TROAP: variants seen among roughly 807,000 people sequenced by gnomAD.
TROAP encodes trophinin associated protein, also known as tastin.
Under a neutral mutation model 83.4 loss-of-function variants are expected in TROAP, and 62 were observed. The ratio of observed to expected loss-of-function variants is 0.74; its 90% CI spans 0.61 to 0.92. The LOEUF (loss-of-function observed/expected upper bound fraction) is 0.92, where lower values mean the gene tolerates loss of function less well. TROAP is among the 40% of genes least tolerant of loss of function. TROAP has a pLI of 0.00. For missense variants in TROAP, 876 were observed against 985.1 expected, an observed-to-expected ratio of 0.89 and a Z score of 1.48; for synonymous variants, 352 against 386.4, an observed-to-expected ratio of 0.91 and a Z score of 1.04.
intron 8 of TROAP, among the ~76,000 whole-genome samples, chr12:49,327,790 T>A (rs59575791): frequency 0.22 from 32,656 of 151,412 alleles, 4,198 homozygotes; most frequent in African/African-American, 0.36. Context: ...CTCTCTAAAA[T>A]AATAATAATA....
At chr12:49,327,151 T>C (rs1024325866) in intron 7 of TROAP, 58 bp from the exon 8 acceptor site, 22 of 1,605,748 alleles carry the variant, frequency 1.4e-5, no homozygotes, top group Admixed American at 6.7e-5. Flanking sequence ...TGCAGAACAC[T>C]GTGCCAAACT....
Position 49,330,334 on chromosome 12 carries a change from C to T in TROAP, c.1489C>T (p.His497Tyr). ...TTCCCACCTTCCTGGACTGTTAAAACACTCAGGGCTGCCAAAGCCCTGTCT... is the reference window on the plus strand; with the variant it reads ...TTCCCACCTTCCTGGACTGTTAAAATACTCAGGGCTGCCAAAGCCCTGTCT... ...GTSHLPGLLK[H>Y]SGLPKPCLPE... The change falls in exon 13 of 15, where the codon CAC (histidine) becomes TAC (tyrosine). Residue 497 changes from histidine to tyrosine, a missense_variant. Physicochemically the swap from His to Tyr is moderately conservative, Grantham distance 83 (BLOSUM62 2). Around this residue, in one of 3 missense-constraint regions of TROAP, gnomAD observed 689 missense variants for 722.6 expected, o/e 0.95. Transcript: ENST00000257909. The T allele has an allele frequency of 6.2e-7, 1 of 1,614,124 alleles. No individual in the cohort carries two copies.
At position 49,331,646 on chromosome 12, in the gene TROAP, T is replaced by A. The variant is rs1238440594; in HGVS notation, c.*29T>A. 1.2e-6 allele frequency: 2 copies of A among 1,613,868 alleles called. No homozygotes were observed. Among genetic ancestry groups the A allele is most frequent in the African/African-American group, 2.7e-5 (2 of 74,994 alleles). On this transcript the variant is annotated 3_prime_UTR_variant, in exon 15 of 15. Transcript: ENST00000257909. The stretch of plus-strand genomic sequence containing the variant: ...GACAACCACTCCTGCCCTGCCGTAC[T>A]TCTTCCTTTTAGCCCTTATTTATTG...
intron 3 of TROAP, chr12:49,324,561 T>C: frequency 5.7e-6 from 1 of 176,892 alleles, no homozygotes; most frequent in Non-Finnish European, 1.2e-5. Flanking sequence ...CCCCAGTGCT[T>C]AGAATAGTGT....
Position 49,330,738 on chromosome 12 carries a change from ACC to A in TROAP, c.1897_1898del (p.Pro633ArgfsTer5). On this transcript the variant is annotated frameshift_variant, in exon 13 of 15. Transcript: ENST00000257909. LOFTEE classifies it high-confidence loss of function. ...AGCCCAGCACCCAGGGGCAGTCTGG[ACC>A]CCCAGGGCCCTGCCCTAGGGTAGAG... The part of the protein sequence containing the change: ...LQPSTQGQSG[P>X]PGPCPRVELG... 6.2e-7 allele frequency: 1 copy of A among 1,613,760 alleles called. No homozygotes were observed. Among genetic ancestry groups the A allele is most frequent in the South Asian group, 1.1e-5 (1 of 91,060 alleles).
Position 49,326,675 on chromosome 12 carries a change from G to T in TROAP, c.724G>T (p.Val242Leu). ...TGTCCTTATTGTCATCAGGACTTCA[G>T]TGAGCCAGGCCTCAGGATTGCTCCT... ...RETAGSSRTSVSQASGLLLET... is the reference protein window; with the variant it reads ...RETAGSSRTSLSQASGLLLET... Residue 242 changes from valine to leucine, a missense_variant, in exon 7 of 15, where the codon GTG (valine) becomes TTG (leucine). Physicochemically the swap from Val to Leu is conservative, Grantham distance 32. Transcript: ENST00000257909. 6.4e-7 allele frequency: 1 copy of T among 1,558,072 alleles called. No individual in the cohort carries two copies. Among genetic ancestry groups the T allele is most frequent in the Non-Finnish European group, 8.7e-7 (1 of 1,149,698 alleles).
In TROAP at chr12:49,329,513, G is replaced by A. The variant is rs1326035635; in HGVS notation, c.1164+59G>A. The stretch of plus-strand genomic sequence containing the variant: ...CTTGCCCTGTGCTGCCAGCCTGGAG[G>A]CCCAGGAGTTTGAGGCACACGTGCT... On this transcript the variant is annotated intron_variant, in intron 11 of 14. Transcript: ENST00000257909. This position sits in a 1 kb window ranked among gnomAD's most constrained non-coding sequence, Gnocchi z 4.5. 1.9e-6 allele frequency: 3 copies of A among 1,546,338 alleles called. No homozygotes were observed. In the African/African-American group the frequency reaches 4.1e-5, roughly 21 times the overall value.
rs1943562441 is a variant in TROAP at position 49,330,460 on chromosome 12, C to T, written c.1615C>T (p.Gln539Ter). Residue 539 changes from glutamine (Q) to a stop codon, truncating the protein, a stop_gained, in exon 13 of 15, where the codon CAG becomes TAG. Coordinates refer to ENST00000257909, the MANE Select transcript of TROAP (RefSeq NM_005480.4). LOFTEE classifies it high-confidence loss of function. ...GCCTGAGATACCAGAGCCCTCCCTC[C>T]AGGAACAGCTTGAAGTACCAGAGCC... The part of the protein sequence containing the change: ...SEPEIPEPSL[Q>*]EQLEVPEPYP... 1.9e-6 allele frequency: 3 copies of T among 1,613,656 alleles called. No homozygotes were observed. The highest frequency in any genetic ancestry group is 2.5e-6 in the Non-Finnish European group (3 of 1,179,730).
rs1047694050 is a variant in TROAP, at chr12:49,330,805, C to T, written c.1960C>T (p.Leu654=). The T allele has an allele frequency of 6.2e-7, 1 of 1,613,950 alleles. No individual in the cohort carries two copies. The highest frequency in any genetic ancestry group is 1.1e-5 in the South Asian group (1 of 91,084). Residue 654 remains leucine, a synonymous_variant, in exon 13 of 15, where the codon CTA becomes TTA. Coordinates refer to ENST00000257909, the MANE Select transcript of TROAP (RefSeq NM_005480.4). ...GCCCTGCACCCTGGAACATAGAAGT[C>T]TAGAGTCCAGTCTACCACCCTGCTG... ...SEPCTLEHRS[L]ESSLPPCCSQ... is the part of the protein sequence containing the mutation.
Position 49,329,084 on chromosome 12 carries a change from G to A in TROAP, c.1020+29G>A, listed in dbSNP as rs377398575. On this transcript the variant is annotated intron_variant, in intron 9 of 14. Coordinates refer to ENST00000257909, the MANE Select transcript of TROAP (RefSeq NM_005480.4). The surrounding 1 kb of genome is among the most constrained non-coding windows in gnomAD (Gnocchi z 4.5). ...TGTGTCAACAACTGGGGGCTGGGCA[G>A]GGGCAGAACAGTCTGGCCGGAGATC... 61 of 1,613,268 alleles carry A rather than the reference G, an allele frequency of 3.8e-5. No individual in the cohort carries two copies. Among genetic ancestry groups the A allele is most frequent in the Non-Finnish European group, 5.2e-5 (61 of 1,179,386 alleles).
At position 49,323,963 on chromosome 12, in the gene TROAP, C is replaced by T; in HGVS notation, c.263C>T (p.Pro88Leu). ...TSQRLVGISQ[P>L]RNPLEELRPS... is the part of the protein sequence containing the mutation. ...CAAAGATTGGTGGGGATCAGTCAGC[C>T]TCGGAACCCCTTGGAAGAGCTCAGG... Residue 88 changes from proline to leucine, a missense_variant, in exon 3 of 15, where the codon CCT becomes CTT. Coordinates refer to ENST00000257909, the MANE Select transcript of TROAP (RefSeq NM_005480.4). 6.2e-7 allele frequency: 1 copy of T among 1,614,204 alleles called. No individual in the cohort carries two copies. The highest frequency in any genetic ancestry group is 8.5e-7 in the Non-Finnish European group (1 of 1,180,048).
At position 49,331,569 on chromosome 12, in the gene TROAP, C is replaced by G; in HGVS notation, c.2293-4C>G. The G allele has an allele frequency of 6.2e-7, 1 of 1,614,192 alleles. No individual in the cohort carries two copies. Among genetic ancestry groups the G allele is most frequent in the African/African-American group, 1.3e-5 (1 of 75,038 alleles). On this transcript the variant is annotated splice_polypyrimidine_tract_variant and splice_region_variant and intron_variant, in intron 14 of 14. Coordinates refer to ENST00000257909, the MANE Select transcript of TROAP (RefSeq NM_005480.4). The stretch of plus-strand genomic sequence containing the variant: ...AGCTGTGACAAGGTCTTCTCTGTCT[C>G]CAGTGTTTCATTCCAGTTGGTTCTG...
Position 49,325,587 on chromosome 12 carries a change from G to A in TROAP, c.424G>A (p.Gly142Arg). 6.2e-7 allele frequency: 1 copy of A among 1,614,008 alleles called. No individual in the cohort carries two copies. The highest frequency in any genetic ancestry group is 8.5e-7 in the Non-Finnish European group (1 of 1,180,014). Reference sequence around the variant, plus strand: ...TGAGGGTGTGAAGAGCTGTCACCTGGGGCGCCAGCCTAGTCTGGCTAAAAG... The same window carrying A: ...TGAGGGTGTGAAGAGCTGTCACCTGAGGCGCCAGCCTAGTCTGGCTAAAAG... Reference protein sequence around the residue: ...SGEGVKSCHLGRQPSLAKRVL... With the variant: ...SGEGVKSCHLRRQPSLAKRVL... The change falls in exon 4 of 15, where the codon GGG (glycine) becomes AGG (arginine). Residue 142 changes from glycine (G) to arginine (R), a missense_variant. Physicochemically the swap from Gly to Arg is moderately radical, Grantham distance 125. Around this residue, in one of 3 missense-constraint regions of TROAP, gnomAD observed 689 missense variants for 722.6 expected, o/e 0.95. Coordinates refer to ENST00000257909, the MANE Select transcript of TROAP (RefSeq NM_005480.4).
intron 13 of TROAP, 42 bp from the exon 14 acceptor site, chr12:49,331,172 A>C (rs3088008): frequency 0.15 from 237,803 of 1,611,310 alleles, 18,872 homozygotes; most frequent in African/African-American, 0.25. Flanking sequence ...TGGTGGAAGT[A>C]TAGGACCCCA....
rs1397374075 is a variant in TROAP at position 49,325,844 on chromosome 12, C to A, written c.593C>A (p.Pro198His). The A allele has an allele frequency of 6.2e-7, 1 of 1,614,048 alleles. No individual in the cohort carries two copies. Among genetic ancestry groups the A allele is most frequent in the Admixed American group, 1.7e-5 (1 of 60,020 alleles). Residue 198 changes from proline to histidine, a missense_variant, in exon 5 of 15, where the codon CCT (proline) becomes CAT (histidine). By Grantham distance (77) the Pro-to-His change is moderately conservative. Coordinates refer to ENST00000257909, the MANE Select transcript of TROAP (RefSeq NM_005480.4). ...SCFSRLEGPG[P>H]RGRTLCPQRL... ...TTCTCTAGGCTGGAGGGACCAGGAC[C>A]TCGAGGCCGGACATTGTGCCCCCAG...
At chr12:49,326,498 C>A in intron 6 of TROAP, 170 bp from the exon 7 acceptor site, 1 of 794,036 alleles carries the variant, frequency 1.3e-6, no homozygotes, top group Non-Finnish European at 2.0e-6. Context: ...TTTGTGCAAG[C>A]TTGCCTTCAC....
At position 49,330,515 on chromosome 12, in the gene TROAP, A is replaced by G; in HGVS notation, c.1670A>G (p.Glu557Gly). ...PYPPAEPRPLESCCRSEPEIP... is the reference protein window; with the variant it reads ...PYPPAEPRPLGSCCRSEPEIP... ...CCTCCAGCAGAACCCAGGCCCCTAGAGTCCTGCTGTAGGAGTGAGCCTGAG... is the reference window on the plus strand; with the variant it reads ...CCTCCAGCAGAACCCAGGCCCCTAGGGTCCTGCTGTAGGAGTGAGCCTGAG... Residue 557 changes from glutamate to glycine, a missense_variant, in exon 13 of 15, where the codon GAG becomes GGG. Around this residue, in one of 3 missense-constraint regions of TROAP, gnomAD observed 689 missense variants for 722.6 expected, o/e 0.95. Transcript: ENST00000257909. 6.2e-7 allele frequency: 1 copy of G among 1,613,572 alleles called. No individual in the cohort carries two copies. The highest frequency in any genetic ancestry group is 8.5e-7 in the Non-Finnish European group (1 of 1,179,708).
intron 3 of TROAP, 47 bp from the exon 4 acceptor site, chr12:49,325,453 TC>T: frequency 6.3e-7 from 1 of 1,579,242 alleles, no homozygotes; most frequent in Non-Finnish European, 8.6e-7. Flanking sequence ...AGGGGCCCTA[TC>T]CCCCTCAGCC....
In TROAP at chr12:49,329,615, C is replaced by A; in HGVS notation, c.1164+161C>A. The A allele has an allele frequency of 9.8e-7, 1 of 1,024,756 alleles. No homozygotes were observed. Among genetic ancestry groups the A allele is most frequent in the Non-Finnish European group, 1.4e-6 (1 of 702,534 alleles). The allele number at this position is 1,024,756 out of a possible 1,614,324, so 63.5% of individuals were successfully genotyped here. ...CTGAGGTAGGAGGATTGCTTGAGCT[C>A]AGATCTTTGAGACCAGCCTGGGCAA... On this transcript the variant is annotated intron_variant, in intron 11 of 14. Coordinates refer to ENST00000257909, the MANE Select transcript of TROAP (RefSeq NM_005480.4). This position sits in a 1 kb window ranked among gnomAD's most constrained non-coding sequence, Gnocchi z 4.5.
Sources: gnomAD v4.1 joint callset for allele counts (sites outside exome capture counted in the v4.1 genomes callset) on GRCh38, gnomAD v4.1.1 for gene constraint, gnomAD v4.1.1 regional missense constraint, Gnocchi (gnomAD v3.1) non-coding constraint, MANE v1.5 for transcripts, NCBI Gene and HGNC (gene_info 2026-07-23, HGNC 2026-07-21) for gene names.